CACNA1C: variants seen among roughly 807,000 people sequenced by gnomAD.
The protein encoded by CACNA1C is voltage-dependent L-type calcium channel subunit alpha-1C.
Under a neutral mutation model 229.0 loss-of-function variants are expected in CACNA1C, and 30 were observed. The ratio of observed to expected loss-of-function variants is 0.13; its 90% CI spans 0.10 to 0.18. The LOEUF (loss-of-function observed/expected upper bound fraction) is 0.18, where lower values mean the gene tolerates loss of function less well. Ranked by LOEUF, CACNA1C falls within the 10% of genes least tolerant of loss-of-function variation. The pLI, the probability that CACNA1C is intolerant of heterozygous loss-of-function variation, is 1.00. For missense variants in CACNA1C, 1,658 were observed against 2,845.0 expected (o/e 0.58, Z 9.49); for synonymous variants, 1,114 against 1,132.5 (o/e 0.98, Z 0.33).
At chr12:2,621,138 C>T (rs1334857608) in intron 29 of CACNA1C, among the ~76,000 whole-genome samples, 2 of 152,164 alleles carry the variant, frequency 1.3e-5, no homozygotes, top group Non-Finnish European at 2.9e-5. Flanking sequence ...TTCTTGAGCG[C>T]CTCAGTGATG....
chr12:2,498,504 A>G (rs1408362935), intron 7 of CACNA1C, among the ~76,000 whole-genome samples: 1 of 152,220 alleles, frequency 6.6e-6, no homozygotes, highest in African/African-American at 2.4e-5. Context: ...ATGAGTCCTT[A>G]TGATTCTGTA....
At chr12:2,451,468 A>G (rs1342454161) in intron 4 of CACNA1C, among the ~76,000 whole-genome samples, 1 of 152,204 alleles carries the variant, frequency 6.6e-6, no homozygotes, top group Non-Finnish European at 1.5e-5. Context: ...GGAATTTTGA[A>G]GTGAGTTGGA....
chr12:2,214,434 A>G (rs1422709648), intron 3 of CACNA1C, among the ~76,000 whole-genome samples: 1 of 152,202 alleles, frequency 6.6e-6, no homozygotes, highest in Non-Finnish European at 1.5e-5. Flanking sequence ...TCATGGTTCA[A>G]TAAATCTTAG....
chr12:2,452,014 C>T (rs1596651528), intron 4 of CACNA1C, among the ~76,000 whole-genome samples: 1 of 152,318 alleles, frequency 6.6e-6, no homozygotes, highest in East Asian at 1.9e-4. Flanking sequence ...TTTCTGCTTC[C>T]TTTGCAATAT....
intron 3 of CACNA1C, among the ~76,000 whole-genome samples, chr12:2,292,978 G>A (rs114241316): frequency 0.047 from 7,051 of 150,736 alleles, 201 homozygotes; most frequent in Middle Eastern, 0.068. Flanking sequence ...AAAGCCCCTT[G>A]GCAACCCAGG....
chr12:2,438,631 T>C (rs1049074134), intron 3 of CACNA1C, among the ~76,000 whole-genome samples: 2 of 151,948 alleles, frequency 1.3e-5, no homozygotes, highest in African/African-American at 4.8e-5. Context: ...AGAATGTGGC[T>C]GGGGAACGGG....
chr12:2,674,882 T>C (rs1176208879), intron 39 of CACNA1C, among the ~76,000 whole-genome samples: 1 of 152,174 alleles, frequency 6.6e-6, no homozygotes, highest in African/African-American at 2.4e-5. Flanking sequence ...GAAAGTCAGG[T>C]TGGAAATCTG....
chr12:2,499,835 G>C (rs1004970444), intron 7 of CACNA1C, among the ~76,000 whole-genome samples: 1 of 151,620 alleles, frequency 6.6e-6, no homozygotes, highest in Non-Finnish European at 1.5e-5. Context: ...TTTATTCTTT[G>C]TCTTCTTAAT....
At chr12:2,429,259 A>G (rs1186159743) in intron 3 of CACNA1C, among the ~76,000 whole-genome samples, 9 of 152,114 alleles carry the variant, frequency 5.9e-5, no homozygotes, top group Non-Finnish European at 1.2e-4. Context: ...CAGTGACCCT[A>G]TTTCCAAATA....
At chr12:2,363,705 G>A (rs985731836) in intron 3 of CACNA1C, among the ~76,000 whole-genome samples, 3 of 146,790 alleles carry the variant, frequency 2.0e-5, no homozygotes, top group African/African-American at 7.6e-5. Flanking sequence ...GGGAGGTTTA[G>A]CAACATAACC....
At chr12:2,413,378 A>T (rs1254765259) in intron 3 of CACNA1C, among the ~76,000 whole-genome samples, 3 of 151,588 alleles carry the variant, frequency 2.0e-5, no homozygotes, top group South Asian at 2.1e-4. Flanking sequence ...AGCGTGAATG[A>T]CTCTACCATC....
At chr12:2,327,229 C>T (rs1414688646) in intron 3 of CACNA1C, among the ~76,000 whole-genome samples, 13 of 152,318 alleles carry the variant, frequency 8.5e-5, no homozygotes, top group African/African-American at 3.1e-4. Context: ...AGATTGAGGT[C>T]CTGGATGCTG....
At chr12:2,385,466 A>G (rs967785056) in intron 3 of CACNA1C, among the ~76,000 whole-genome samples, 16 of 151,854 alleles carry the variant, frequency 1.1e-4, no homozygotes, top group African/African-American at 3.6e-4. Flanking sequence ...CCCTCACCTT[A>G]TCCACTTAGC....
chr12:2,198,384 C>G (rs1042905215), intron 3 of CACNA1C, among the ~76,000 whole-genome samples: 1 of 152,262 alleles, frequency 6.6e-6, no homozygotes, highest in East Asian at 1.9e-4. Flanking sequence ...GAACCGGAGG[C>G]CTCCCCTCTG....
intron 3 of CACNA1C, among the ~76,000 whole-genome samples, chr12:2,191,863 C>T (rs534120021): frequency 7.0e-4 from 52 of 74,720 alleles, no homozygotes; most frequent in Admixed American, 3.9e-3. Flanking sequence ...CACATGTACT[C>T]GCATACACAG....
At position 2,566,488 on chromosome 12, in the gene CACNA1C, C is replaced by T. The variant is rs1395286439; in HGVS notation, c.1575C>T (p.Val525=). 2 of 1,595,308 alleles carry T rather than the reference C, an allele frequency of 1.3e-6. No homozygotes were observed. The highest frequency in any genetic ancestry group is 1.1e-5 in the South Asian group (1 of 87,302). The change falls in exon 12 of 47, where the codon GTC becomes GTT. Residue 525 remains valine, a synonymous_variant. Transcript: ENST00000399655. This position sits in a 1 kb window ranked among gnomAD's most constrained non-coding sequence, Gnocchi z 4.0. The part of the protein sequence containing the change: ...RKCRAAVKSN[V]FYWLVIFLVF... Reference sequence around the variant, plus strand: ...GCCGCGCCGCAGTCAAGTCTAATGTCTTCTACTGGCTGGTGATTTTCCTGG... The same window carrying T: ...GCCGCGCCGCAGTCAAGTCTAATGTTTTCTACTGGCTGGTGATTTTCCTGG...
chr12:2,509,798 G>A lies in CACNA1C; in HGVS notation c.1218-3014G>A, dbSNP rs1423754125. ...GTATGAGAGCTGAATTGGGAAGGCA[G>A]AACTCTACATGCCCCTTGTTTGGCC... is the stretch of plus-strand genomic sequence containing the variant. On this transcript the variant is annotated intron_variant, in intron 8 of 46. Coordinates refer to ENST00000399655, the MANE Select transcript of CACNA1C (RefSeq NM_000719.7). 2.6e-5 allele frequency among the ~76,000 whole-genome samples: 4 copies of A among 152,324 alleles called. No homozygotes were observed. In the East Asian group the frequency reaches 5.8e-4, roughly 22 times the overall value.
chr12:2,518,858 G>A (rs1345909797), intron 9 of CACNA1C, among the ~76,000 whole-genome samples: 1 of 152,226 alleles, frequency 6.6e-6, no homozygotes, highest in Non-Finnish European at 1.5e-5. Flanking sequence ...AGTAGCTCCT[G>A]GGCCTTCACG....
chr12:2,208,032 C>G (rs750471955), intron 3 of CACNA1C, among the ~76,000 whole-genome samples: 1 of 152,108 alleles, frequency 6.6e-6, no homozygotes, highest in Admixed American at 6.5e-5. Flanking sequence ...GGTACGCAGC[C>G]AAATTAGTGG....
Sources: allele counts gnomAD v4.1 joint callset (sites outside exome capture counted in the v4.1 genomes callset), GRCh38; gene constraint gnomAD v4.1.1; non-coding constraint Gnocchi (gnomAD v3.1); transcripts MANE v1.5; gene names NCBI Gene and HGNC (gene_info 2026-07-23, HGNC 2026-07-21).